CAMSAP3: variants seen among roughly 807,000 people sequenced by gnomAD.
CAMSAP3 encodes the protein calmodulin regulated spectrin associated protein family member 3.
Under a neutral mutation model 112.5 loss-of-function variants are expected in CAMSAP3, and 34 were observed. That is an observed-to-expected ratio of 0.30 (90% confidence interval 0.23 to 0.40). CAMSAP3 has a LOEUF of 0.40. CAMSAP3 is among the 10% of genes least tolerant of loss of function. CAMSAP3 has a pLI of 1.00. For synonymous variants in CAMSAP3, 868 were observed against 799.8 expected (o/e 1.09, Z -1.44); for missense variants, 1,602 against 1,770.3 (o/e 0.90, Z 1.71).
At position 7,596,382 on chromosome 19, in the gene CAMSAP3, C is replaced by T. The variant is rs545386123; in HGVS notation, c.148+232C>T. ...GGGAGCGCGGTGGGGGTGGGGCCCG[C>T]GGCCCAGCTCCGCGCGGGGGTCCCC... On this transcript the variant is annotated intron_variant, in intron 1 of 16. Transcript: ENST00000160298. 8.6e-5 allele frequency among the ~76,000 whole-genome samples: 13 copies of T among 150,954 alleles called. No homozygotes were observed. The East Asian group carries it at 2.4e-3, about 28-fold the overall frequency.
chr19:7,597,008 TG>T (rs994682184), intron 1 of CAMSAP3, among the ~76,000 whole-genome samples: 1 of 152,150 alleles, frequency 6.6e-6, no homozygotes, highest in African/African-American at 2.4e-5. Context: ...GTCTCGGCTT[TG>T]GGCAGCTTCA....
chr19:7,604,042 G>A (rs2146160805), intron 1 of CAMSAP3, among the ~76,000 whole-genome samples: 1 of 152,220 alleles, frequency 6.6e-6, no homozygotes, highest in Middle Eastern at 3.4e-3. Context: ...GTCTGAGGCA[G>A]GAGAATCATT....
rs2030485233 is a variant in CAMSAP3 at position 7,611,526 on chromosome 19, A to C, written c.1133A>C (p.Lys378Thr). ...SPLRGSTGSL[K>T]SSPSMSHMEA... ...TCATCGCCTCCCCCAGGCTCCCTGA[A>C]GTCTTCCCCGTCCATGTCCCATATG... Residue 378 changes from lysine (K) to threonine (T), a missense_variant, in exon 10 of 17, where the codon AAG becomes ACG. Transcript: ENST00000160298. The surrounding 1 kb of genome is among the most constrained non-coding windows in gnomAD (Gnocchi z 6.9). The C allele has an allele frequency of 6.2e-7, 1 of 1,611,908 alleles. No homozygotes were observed. Among genetic ancestry groups the C allele is most frequent in the Admixed American group, 1.7e-5 (1 of 59,904 alleles).
Position 7,607,653 on chromosome 19 carries a change from G to C in CAMSAP3, c.622-473G>C, listed in dbSNP as rs1162786524. Among the ~76,000 whole-genome samples the C allele has an allele frequency of 6.6e-6, 1 of 152,120 alleles. No homozygotes were observed. Among genetic ancestry groups the C allele is most frequent in the Non-Finnish European group, 1.5e-5 (1 of 68,006 alleles). ...GGGTTCCTACTCTGTGGGGTCCCTT[G>C]GGGCTGGGAGGAGCTGGGGTTCGCG... is the stretch of plus-strand genomic sequence containing the variant. On this transcript the variant is annotated intron_variant, in intron 4 of 16. Transcript: ENST00000160298. The surrounding 1 kb of genome is among the most constrained non-coding windows in gnomAD (Gnocchi z 4.9).
intron 1 of CAMSAP3, among the ~76,000 whole-genome samples, chr19:7,601,428 C>T (rs1050897571): frequency 6.6e-6 from 1 of 152,104 alleles, no homozygotes; most frequent in Non-Finnish European, 1.5e-5. Context: ...AAGTGATTCT[C>T]GTGCCTCAGC....
Position 7,610,693 on chromosome 19 carries a change from C to T in CAMSAP3, c.901-7C>T, listed in dbSNP as rs770745608. On this transcript the variant is annotated splice_polypyrimidine_tract_variant and splice_region_variant and intron_variant, in intron 6 of 16. Transcript: ENST00000160298. The surrounding 1 kb of genome is among the most constrained non-coding windows in gnomAD (Gnocchi z 4.9). ...TCCCGTCTGCTGACCCGGCCTCCCA[C>T]CTCCAGGTCAACTTGGTGGTGATGC... is the stretch of plus-strand genomic sequence containing the variant. 2.5e-6 allele frequency: 4 copies of T among 1,613,986 alleles called. No homozygotes were observed. Among genetic ancestry groups the T allele is most frequent in the Non-Finnish European group, 3.4e-6 (4 of 1,179,998 alleles).
intron 5 of CAMSAP3, among the ~76,000 whole-genome samples, chr19:7,608,952 ACTGGG>A (rs1346991505): frequency 1.3e-5 from 2 of 151,884 alleles, no homozygotes; most frequent in Admixed American, 6.6e-5. Context: ...CTTTTTGCAT[ACTGGG>A]TAGTCCTAAA....
At chr19:7,603,156 A>G (rs2030044680) in intron 1 of CAMSAP3, among the ~76,000 whole-genome samples, 2 of 151,808 alleles carry the variant, frequency 1.3e-5, no homozygotes, top group East Asian at 1.9e-4. Context: ...TCCCGTTCAA[A>G]TATGTTCTGA....
At position 7,606,297 on chromosome 19, in the gene CAMSAP3, C is replaced by T. The variant is rs963506480; in HGVS notation, c.429C>T (p.Ala143=). The change falls in exon 3 of 17, where the codon GCC becomes GCT. Residue 143 remains alanine, a synonymous_variant. Transcript: ENST00000160298. ...LMGAHLAVID[A]LMAAFAFEWT... is the part of the protein sequence containing the mutation. ...GAGCCCACCTAGCTGTCATTGATGC[C>T]CTCATGGCTGCCTTTGCCTTCGAGT... is the stretch of plus-strand genomic sequence containing the variant. The T allele has an allele frequency of 6.2e-7, 1 of 1,613,850 alleles. No homozygotes were observed. The highest frequency in any genetic ancestry group is 8.5e-7 in the Non-Finnish European group (1 of 1,180,028).
At chr19:7,604,584 C>T (rs779101423) in intron 1 of CAMSAP3, among the ~76,000 whole-genome samples, 3 of 152,132 alleles carry the variant, frequency 2.0e-5, no homozygotes, top group Non-Finnish European at 4.4e-5. Context: ...CACTCAACTC[C>T]CTCGATGTGC....
intron 4 of CAMSAP3, 108 bp downstream of exon 4, chr19:7,606,679 A>G: frequency 6.4e-7 from 1 of 1,550,824 alleles, no homozygotes; most frequent in Non-Finnish European, 8.8e-7. Context: ...TAGAGGTGAC[A>G]CACTCTCTCT....
chr19:7,613,383 C>T (rs2030613676), intron 11 of CAMSAP3, among the ~76,000 whole-genome samples: 1 of 136,332 alleles, frequency 7.3e-6, no homozygotes, highest in African/African-American at 2.8e-5. Flanking sequence ...GGGACATTTG[C>T]ACGGTGGGGG....
rs776318513 is a variant in CAMSAP3 at position 7,617,907 on chromosome 19, C to A, written c.3600C>A (p.Gly1200=). 9.9e-6 allele frequency: 16 copies of A among 1,614,106 alleles called. No homozygotes were observed. Among genetic ancestry groups the A allele is most frequent in the Non-Finnish European group, 1.3e-5 (15 of 1,180,028 alleles). The change falls in exon 17 of 17, where the codon GGC becomes GGA. Residue 1200 remains glycine, a synonymous_variant. Coordinates refer to ENST00000160298, the MANE Select transcript of CAMSAP3 (RefSeq NM_020902.2). The surrounding 1 kb of genome is among the most constrained non-coding windows in gnomAD (Gnocchi z 7.5). ...PRTVTPAMVE[G]IYKYNSDRKR... is the part of the protein sequence containing the mutation. ...CCGTCACGCCCGCCATGGTGGAAGG[C>A]ATCTACAAGTACAACTCGGACCGCA... is the stretch of plus-strand genomic sequence containing the variant.
In CAMSAP3 at chr19:7,610,469, C is replaced by T; in HGVS notation, c.761-7C>T. ...GAGTTGGGGACCCACTCCTCCTGTCCCCACAGAGGTGTGCTTGAAGGACCC... is the reference window on the plus strand; with the variant it reads ...GAGTTGGGGACCCACTCCTCCTGTCTCCACAGAGGTGTGCTTGAAGGACCC... On this transcript the variant is annotated splice_polypyrimidine_tract_variant and splice_region_variant and intron_variant, in intron 5 of 16. Transcript: ENST00000160298. This position sits in a 1 kb window ranked among gnomAD's most constrained non-coding sequence, Gnocchi z 4.9. 1 of 1,605,862 alleles carries T rather than the reference C, an allele frequency of 6.2e-7. No individual in the cohort carries two copies. The highest frequency in any genetic ancestry group is 1.7e-5 in the Admixed American group (1 of 59,250).
chr19:7,613,730 C>G (rs987561598), intron 11 of CAMSAP3, among the ~76,000 whole-genome samples: 11 of 151,966 alleles, frequency 7.2e-5, no homozygotes, highest in Non-Finnish European at 1.3e-4. Context: ...GGACCAGGAT[C>G]TTCAGCGCAC....
At position 7,607,817 on chromosome 19, in the gene CAMSAP3, C is replaced by G. The variant is rs773863987; in HGVS notation, c.622-309C>G. 2.2e-6 allele frequency: 3 copies of G among 1,341,090 alleles called. No individual in the cohort carries two copies. Among genetic ancestry groups the G allele is most frequent in the South Asian group, 1.5e-5 (1 of 66,450 alleles). 83.1% of individuals were successfully genotyped at this position (1,341,090 alleles called of 1,614,324 possible). A position where few individuals can be genotyped will look rare whatever the true frequency, so the allele number is the denominator to read the frequency against. ...CTTGCTGATGGCTGCTCCTCTCCCC[C>G]CAGCACGCAATTGCCTTCTGTTTGA... On this transcript the variant is annotated intron_variant, in intron 4 of 16. Coordinates refer to ENST00000160298, the MANE Select transcript of CAMSAP3 (RefSeq NM_020902.2). This position sits in a 1 kb window ranked among gnomAD's most constrained non-coding sequence, Gnocchi z 4.9.
At chr19:7,618,300 GAGA>G (rs2030922395) in exon 17 of CAMSAP3, 5 of 533,616 alleles carry the variant, frequency 9.4e-6, no homozygotes, top group South Asian at 1.4e-4. Context: ...ATAATTTAAA[GAGA>G]AGTTGAACCT....
Position 7,615,676 on chromosome 19 carries a change from T to C in CAMSAP3, c.3069T>C (p.Cys1023=). The part of the protein sequence containing the change: ...RRATRPRSGC[C]DDSALARSPA... ...CCACCCGGCCTCGCTCGGGTTGCTG[T>C]GACGACTCAGCCCTGGCACGAAGCC... The change falls in exon 13 of 17, where the codon TGT becomes TGC. Residue 1023 remains cysteine (C), a synonymous_variant. Coordinates refer to ENST00000160298, the MANE Select transcript of CAMSAP3 (RefSeq NM_020902.2). The surrounding 1 kb of genome is among the most constrained non-coding windows in gnomAD (Gnocchi z 6.5). 2 of 1,425,366 alleles carry C rather than the reference T, an allele frequency of 1.4e-6. No homozygotes were observed. The highest frequency in any genetic ancestry group is 1.8e-6 in the Non-Finnish European group (2 of 1,095,158). The allele number at this position is 1,425,366 out of a possible 1,614,324, so 88.3% of individuals were successfully genotyped here.
rs1201619813 is a variant in CAMSAP3, at chr19:7,615,368, C to T, written c.2810+46C>T. ...GACGCCCGCTCCTTGGCCTGTCTGCCACCGCGGACCCCGTGAGCGGTTCTG... is the reference window on the plus strand; with the variant it reads ...GACGCCCGCTCCTTGGCCTGTCTGCTACCGCGGACCCCGTGAGCGGTTCTG... On this transcript the variant is annotated intron_variant, in intron 12 of 16. Coordinates refer to ENST00000160298, the MANE Select transcript of CAMSAP3 (RefSeq NM_020902.2). The surrounding 1 kb of genome is among the most constrained non-coding windows in gnomAD (Gnocchi z 6.5). 3.3e-6 allele frequency: 5 copies of T among 1,532,088 alleles called. No homozygotes were observed. In the East Asian group the frequency reaches 9.9e-5, roughly 30 times the overall value. The allele number at this position is 1,532,088 out of a possible 1,614,324, so 94.9% of individuals were successfully genotyped here. A position where few individuals can be genotyped will look rare whatever the true frequency, so the allele number is the denominator to read the frequency against.
Sources: allele counts gnomAD v4.1 joint callset (sites outside exome capture counted in the v4.1 genomes callset), GRCh38; gene constraint gnomAD v4.1.1; non-coding constraint Gnocchi (gnomAD v3.1); transcripts MANE v1.5; gene names NCBI Gene and HGNC (gene_info 2026-07-23, HGNC 2026-07-21).